The following ERC1 variants were observed in gnomAD, a reference collection of about 807,000 sequenced individuals.
ERC1 encodes RAB6 interacting protein 2.
ERC1 carries 56 observed loss-of-function variants against 132.0 expected under a neutral mutation model. The ratio of observed to expected loss-of-function variants is 0.42; its 90% CI spans 0.34 to 0.53. The LOEUF is 0.53. ERC1 is among the 20% of genes least tolerant of loss of function. The pLI is 0.03. For missense variants in ERC1, 1,202 were observed against 1,349.9 expected (o/e 0.89, Z 1.72); for synonymous variants, 478 against 476.1 (o/e 1.00, Z -0.05).
intron 2 of ERC1, 126 bp downstream of exon 2, chr12:1,028,698 A>G (rs1967354886): frequency 1.2e-6 from 1 of 839,530 alleles, no homozygotes; most frequent in African/African-American, 1.7e-5. Flanking sequence ...TATTGATTTT[A>G]CTGTTTTGTG....
intron 16 of ERC1, among the ~76,000 whole-genome samples, chr12:1,403,637 A>G (rs982234168): frequency 2.6e-5 from 4 of 152,030 alleles, no homozygotes; most frequent in African/African-American, 9.7e-5. Flanking sequence ...GGATCAAATA[A>G]GGAATCTTTG....
At chr12:1,328,249 G>C (rs7961575) in intron 15 of ERC1, among the ~76,000 whole-genome samples, 50,086 of 151,796 alleles carry the variant, frequency 0.33, 12,878 homozygotes, top group African/African-American at 0.72. Flanking sequence ...CAGGCTCAAG[G>C]AATCCTCCTG....
At chr12:1,395,729 C>T (rs1394155715) in intron 16 of ERC1, among the ~76,000 whole-genome samples, 4 of 152,044 alleles carry the variant, frequency 2.6e-5, no homozygotes, top group African/African-American at 9.6e-5. Context: ...CAAAAACGGT[C>T]ATGATGAGAT....
chr12:1,076,475 A>T (rs1457520234), intron 2 of ERC1, among the ~76,000 whole-genome samples: 4 of 150,830 alleles, frequency 2.7e-5, no homozygotes, highest in Admixed American at 2.0e-4. Flanking sequence ...GCTCACTGCA[A>T]CCTCTGCCTC....
At chr12:1,158,934 A>G (rs1290392022) in intron 8 of ERC1, among the ~76,000 whole-genome samples, 1 of 151,140 alleles carries the variant, frequency 6.6e-6, no homozygotes, top group African/African-American at 2.5e-5. Context: ...TACTGAGTAT[A>G]ATCACTCAAG....
chr12:1,278,280 T>C (rs1047859791), intron 14 of ERC1, among the ~76,000 whole-genome samples: 2 of 152,198 alleles, frequency 1.3e-5, no homozygotes, highest in African/African-American at 4.8e-5. Context: ...CTTCTTTTGA[T>C]CTTTGAAAGA....
At chr12:1,362,894 A>T (rs576837754) in intron 15 of ERC1, among the ~76,000 whole-genome samples, 40 of 152,354 alleles carry the variant, frequency 2.6e-4, no homozygotes, top group African/African-American at 9.1e-4. Flanking sequence ...ACTATAGGTT[A>T]AAAAACGTGC....
intron 4 of ERC1, among the ~76,000 whole-genome samples, chr12:1,106,693 C>G (rs1945302367): frequency 6.6e-6 from 1 of 151,990 alleles, no homozygotes; most frequent in Non-Finnish European, 1.5e-5. Flanking sequence ...TCCACATTCA[C>G]CACAAGTTTG....
intron 15 of ERC1, among the ~76,000 whole-genome samples, chr12:1,330,240 C>T (rs2082762223): frequency 6.6e-6 from 1 of 152,148 alleles, no homozygotes; most frequent in Admixed American, 6.5e-5. Context: ...CTTTTCTGTC[C>T]CCCTTTCCAC....
At chr12:1,321,649 A>G (rs1055527574) in intron 15 of ERC1, among the ~76,000 whole-genome samples, 2 of 152,150 alleles carry the variant, frequency 1.3e-5, no homozygotes, top group Non-Finnish European at 2.9e-5. Context: ...TTTAGGTGAT[A>G]TACTGGGAAA....
chr12:1,387,349 G>A (rs968612344), intron 16 of ERC1, among the ~76,000 whole-genome samples: 3 of 152,068 alleles, frequency 2.0e-5, no homozygotes, highest in Admixed American at 2.0e-4. Context: ...GAATTTGGTG[G>A]GACTAGAAGG....
chr12:1,270,300 C>T (rs954754339), intron 14 of ERC1, among the ~76,000 whole-genome samples: 3 of 152,078 alleles, frequency 2.0e-5, no homozygotes, highest in Non-Finnish European at 2.9e-5. Flanking sequence ...CTCCACCTCC[C>T]GGGTTCAAGC....
chr12:1,218,831 TATAC>T (rs1181472137), intron 12 of ERC1, among the ~76,000 whole-genome samples: 1 of 137,238 alleles, frequency 7.3e-6, no homozygotes, highest in Non-Finnish European at 1.5e-5. Flanking sequence ...TATATATATA[TATAC>T]ACACACACAC....
intron 8 of ERC1, among the ~76,000 whole-genome samples, chr12:1,145,090 C>G (rs751144955): frequency 6.6e-6 from 1 of 151,638 alleles, no homozygotes; most frequent in Admixed American, 6.6e-5. Context: ...AATCTCGGCT[C>G]ACTGCAACCT....
chr12:1,266,391 C>CTTTTTTTTTTTTTTTTTTTTTTT (rs71293128), intron 14 of ERC1, among the ~76,000 whole-genome samples: 1 of 43,016 alleles, frequency 2.3e-5, no homozygotes, highest in Non-Finnish European at 4.0e-5. Context: ...CGTTTCCTGT[C>CTTTTTTTTTTTTTTTTTTTTTTT]TTTTTTTTTT....
At chr12:1,006,808 A>G (rs1001627129) in intron 1 of ERC1, among the ~76,000 whole-genome samples, 7 of 152,050 alleles carry the variant, frequency 4.6e-5, no homozygotes, top group Non-Finnish European at 1.0e-4. Flanking sequence ...AATTCTTGTA[A>G]ATAGTATAGC....
At chr12:1,221,539 G>A (rs74057301) in intron 12 of ERC1, among the ~76,000 whole-genome samples, 4,357 of 152,168 alleles carry the variant, frequency 0.029, 215 homozygotes, top group African/African-American at 0.099. Context: ...ACACTTTTAC[G>A]TTCTGTATTG....
chr12:1,185,731 GTT>G (rs72127045), intron 11 of ERC1, among the ~76,000 whole-genome samples: 4 of 127,672 alleles, frequency 3.1e-5, no homozygotes, highest in African/African-American at 3.3e-5. Context: ...ACTCTAGGTT[GTT>G]TTTTTTTTTT....
At position 1,183,516 on chromosome 12, in the gene ERC1, A is replaced by G. The variant is rs2906116; in HGVS notation, c.2157+95A>G. On this transcript the variant is annotated intron_variant, in intron 11 of 18. Coordinates refer to ENST00000360905, the MANE Select transcript of ERC1 (RefSeq NM_178040.4). ...TTATATGGAATAATTTACCAATGGA[A>G]TAATAATCCGCCAAACTTTAAAATA... 4,223 of 761,294 alleles carry G rather than the reference A, an allele frequency of 5.5e-3. 126 individuals carry two copies. The African/African-American group carries it at 0.067, about 12-fold the overall frequency. 47.2% of individuals were successfully genotyped at this position (761,294 alleles called of 1,614,324 possible).
Sources: allele counts gnomAD v4.1 joint callset (sites outside exome capture counted in the v4.1 genomes callset), GRCh38; gene constraint gnomAD v4.1.1; transcripts MANE v1.5; gene names NCBI Gene and HGNC (gene_info 2026-07-23, HGNC 2026-07-21).